The following TSNARE1 variants were observed in gnomAD, a reference collection of about 807,000 sequenced individuals.
TSNARE1 encodes the protein t-SNARE domain-containing protein 1.
A neutral mutation model predicts 62.0 loss-of-function variants in TSNARE1; 49 were observed. That is an observed-to-expected ratio of 0.79 (90% CI 0.63 to 1.00). The LOEUF (loss-of-function observed/expected upper bound fraction) is 1.00. TSNARE1 is among the 50% of genes least tolerant of loss of function. The pLI is 0.00. For missense variants in TSNARE1, 755 were observed against 700.1 expected (o/e 1.08, Z -0.88); for synonymous variants, 328 against 294.4 (o/e 1.11, Z -1.17).
In TSNARE1 at chr8:142,378,895, C is replaced by T. The variant is rs544967147; in HGVS notation, c.-39-24132G>A. Among the ~76,000 whole-genome samples, 278 of 152,302 alleles carry T rather than the reference C, an allele frequency of 1.8e-3. 5 individuals carry two copies. The highest frequency in any genetic ancestry group is 0.016 in the Admixed American group (248 of 15,302). ...CCACGGCAGCCTCTGAGTGTGAGCT[C>T]CTCTGAGGCCCCGGGTGGCGCACCC... is the stretch of plus-strand genomic sequence containing the variant. On this transcript the variant is annotated intron_variant, in intron 1 of 13. Transcript: ENST00000524325.
At chr8:142,334,871 G>T (rs866483373) in intron 4 of TSNARE1, among the ~76,000 whole-genome samples, 8 of 152,206 alleles carry the variant, frequency 5.3e-5, no homozygotes, top group South Asian at 4.1e-4. Flanking sequence ...CACAGGGGCA[G>T]ATTTTGACAA....
chr8:142,277,605 T>A, intron 11 of TSNARE1: 16 of 985,386 alleles, frequency 1.6e-5, no homozygotes, highest in Non-Finnish European at 1.9e-5. Context: ...CAAGAGGAAG[T>A]CTGGCCCTGT....
At chr8:142,300,786 G>A in intron 9 of TSNARE1, 142 bp from the exon 10 acceptor site, 2 of 1,005,836 alleles carry the variant, frequency 2.0e-6, no homozygotes, top group South Asian at 1.8e-5. Context: ...CTGAGGCGGG[G>A]GCCTTCTGCG....
intron 9 of TSNARE1, among the ~76,000 whole-genome samples, chr8:142,302,155 T>G (rs1410014458): frequency 2.0e-5 from 3 of 152,116 alleles, no homozygotes; most frequent in African/African-American, 7.2e-5. Flanking sequence ...TCAGCAAACC[T>G]GGCCAGGCTG....
At chr8:142,284,519 G>C (rs368086014) in intron 10 of TSNARE1, 34 bp from the exon 11 acceptor site, 1 of 1,580,224 alleles carries the variant, frequency 6.3e-7, no homozygotes, top group Non-Finnish European at 8.7e-7. Flanking sequence ...ATCAGGAGCA[G>C]GGCTGTGGGG....
chr8:142,278,028 T>C, intron 11 of TSNARE1: 2 of 985,316 alleles, frequency 2.0e-6, no homozygotes, highest in Non-Finnish European at 2.4e-6. Flanking sequence ...GTGGCCTCAA[T>C]GGGGGTGGAT....
At chr8:142,327,561 C>T (rs1271461369) in intron 6 of TSNARE1, among the ~76,000 whole-genome samples, 1 of 152,216 alleles carries the variant, frequency 6.6e-6, no homozygotes, top group African/African-American at 2.4e-5. Context: ...ACAGAGCCCT[C>T]CATCGGGCAC....
chr8:142,236,717 G>A (rs1443705900), intron 12 of TSNARE1, among the ~76,000 whole-genome samples: 3 of 152,066 alleles, frequency 2.0e-5, no homozygotes, highest in Non-Finnish European at 4.4e-5. Context: ...CACCCTCCCT[G>A]AGCAGAGCTG....
rs544708594 is a variant in TSNARE1, at chr8:142,388,130, T to C, written c.-40+14974A>G. On this transcript the variant is annotated intron_variant, in intron 1 of 13. Transcript: ENST00000524325. ...GCAACTTCGTTTGTATAATTCACTATATTAATATGTCTTAAGAAAAAAATC... is the reference window on the plus strand; with the variant it reads ...GCAACTTCGTTTGTATAATTCACTACATTAATATGTCTTAAGAAAAAAATC... 2.4e-4 allele frequency among the ~76,000 whole-genome samples: 37 copies of C among 152,312 alleles called. No individual in the cohort carries two copies. The South Asian group carries it at 7.7e-3, about 32-fold the overall frequency.
At chr8:142,261,960 T>G (rs1178828294) in intron 12 of TSNARE1, among the ~76,000 whole-genome samples, 1 of 152,192 alleles carries the variant, frequency 6.6e-6, no homozygotes, top group Non-Finnish European at 1.5e-5. Context: ...AGCCACTCCT[T>G]CCATCCCACG....
rs1372035386 is a variant in TSNARE1, at chr8:142,253,480, CCCCAG to C, written c.1446+21296_1446+21300del. Among the ~76,000 whole-genome samples, 8 of 149,684 alleles carry C rather than the reference CCCCAG, an allele frequency of 5.3e-5. No homozygotes were observed. In the East Asian group the frequency reaches 1.2e-3, roughly 22 times the overall value. The stretch of plus-strand genomic sequence containing the variant: ...ACCCATTGCAGGTAGGGCGGTCACC[CCCCAG>C]TCACCAGCTCCAGTGGCCATTCTGG... On this transcript the variant is annotated intron_variant, in intron 12 of 13. Coordinates refer to ENST00000524325, the MANE Select transcript of TSNARE1 (RefSeq NM_145003.5).
intron 4 of TSNARE1, among the ~76,000 whole-genome samples, chr8:142,343,591 G>A (rs1363585661): frequency 6.6e-6 from 1 of 151,708 alleles, no homozygotes; most frequent in African/African-American, 2.4e-5. Flanking sequence ...GACAGGCCAA[G>A]TCAAACGCCA....
chr8:142,274,931 C>A, intron 11 of TSNARE1, 68 bp from the exon 12 acceptor site: 1 of 1,422,566 alleles, frequency 7.0e-7, no homozygotes, highest in South Asian at 1.5e-5. Flanking sequence ...GAGGACACCC[C>A]CCAAAGGCAA....
intron 11 of TSNARE1, chr8:142,275,475 G>A (rs1271241948): frequency 6.8e-5 from 67 of 985,276 alleles, no homozygotes; most frequent in East Asian, 2.3e-4. Flanking sequence ...CAGGGCCCAC[G>A]GGAGACACCA....
At chr8:142,284,341 G>A in intron 11 of TSNARE1, 72 bp downstream of exon 11, 2 of 1,262,468 alleles carry the variant, frequency 1.6e-6, no homozygotes, top group African/African-American at 1.5e-5. Flanking sequence ...CTTAGGTGAA[G>A]GGGTGAGGGC....
chr8:142,372,594 TGCC>T (rs1835992786), intron 1 of TSNARE1, among the ~76,000 whole-genome samples: 1 of 152,160 alleles, frequency 6.6e-6, no homozygotes, highest in Admixed American at 6.5e-5. Context: ...AAGGGGCTCC[TGCC>T]TGGGGGCACC....
intron 12 of TSNARE1, among the ~76,000 whole-genome samples, chr8:142,231,167 C>T (rs577868542): frequency 6.6e-6 from 1 of 152,226 alleles, no homozygotes; most frequent in Non-Finnish European, 1.5e-5. Context: ...TGTCATTGCA[C>T]CTTAAGAGGG....
At chr8:142,222,898 ACTTAC>A in intron 13 of TSNARE1, among the ~76,000 whole-genome samples, 2 of 124,438 alleles carry the variant, frequency 1.6e-5, no homozygotes, top group African/African-American at 7.0e-5. Context: ...TCACTCATTC[ACTTAC>A]TCATCCACTC....
intron 10 of TSNARE1, among the ~76,000 whole-genome samples, chr8:142,290,290 G>A (rs762378107): frequency 1.2e-4 from 18 of 152,198 alleles, no homozygotes; most frequent in Non-Finnish European, 2.1e-4. Flanking sequence ...TGCTGTTCTC[G>A]GGGGACACGC....
Sources: allele counts gnomAD v4.1 joint callset (sites outside exome capture counted in the v4.1 genomes callset), GRCh38; gene constraint gnomAD v4.1.1; transcripts MANE v1.5; gene names NCBI Gene and HGNC (gene_info 2026-07-23, HGNC 2026-07-21).